PLCE1: variants seen among roughly 807,000 people sequenced by gnomAD.
PLCE1 encodes the protein 1-phosphatidylinositol 4,5-bisphosphate phosphodiesterase epsilon-1.
Under a neutral mutation model 242.8 loss-of-function variants are expected in PLCE1, and 119 were observed. The ratio of observed to expected loss-of-function variants is 0.49; its 90% confidence interval spans 0.42 to 0.57. PLCE1 has a LOEUF of 0.57. PLCE1 is among the 20% of genes least tolerant of loss of function. PLCE1 has a pLI of 0.00. For synonymous variants in PLCE1, 945 were observed against 1,017.4 expected (o/e 0.93, Z 1.35); for missense variants, 2,441 against 2,788.8 (o/e 0.88, Z 2.81).
At chr10:94,097,742 A>C (rs1196213219) in intron 2 of PLCE1, among the ~76,000 whole-genome samples, 1 of 152,232 alleles carries the variant, frequency 6.6e-6, no homozygotes, top group Non-Finnish European at 1.5e-5. Context: ...CAGAAAGGAA[A>C]AATGTCAAAA....
At chr10:94,088,403 G>T (rs2044926766) in intron 2 of PLCE1, among the ~76,000 whole-genome samples, 1 of 152,164 alleles carries the variant, frequency 6.6e-6, no homozygotes, top group Non-Finnish European at 1.5e-5. Flanking sequence ...TTCCAAGCAG[G>T]TGCTGTTGAC....
chr10:94,106,768 C>T (rs886862155), intron 2 of PLCE1, among the ~76,000 whole-genome samples: 1 of 152,010 alleles, frequency 6.6e-6, no homozygotes, highest in Non-Finnish European at 1.5e-5. Context: ...CGTTCCAGTC[C>T]TCTCCTCTCT....
intron 19 of PLCE1, among the ~76,000 whole-genome samples, chr10:94,277,960 A>AT (rs1414236473): frequency 3.3e-5 from 5 of 151,992 alleles, no homozygotes; most frequent in Non-Finnish European, 2.9e-5. Context: ...GGTTCCTGTA[A>AT]TTGTCAGTTT....
intron 2 of PLCE1, among the ~76,000 whole-genome samples, chr10:94,110,431 A>G (rs541193643): frequency 1.4e-4 from 21 of 152,292 alleles, no homozygotes; most frequent in African/African-American, 5.1e-4. Flanking sequence ...ATGCACAAAT[A>G]TGTGTATCAC....
At chr10:94,148,290 CTGG>C (rs570756058) in intron 3 of PLCE1, among the ~76,000 whole-genome samples, 487 of 152,160 alleles carry the variant, frequency 3.2e-3, no homozygotes, top group Non-Finnish European at 5.0e-3. Context: ...AGGATGGGGG[CTGG>C]AGGGTTCATG....
intron 4 of PLCE1, among the ~76,000 whole-genome samples, chr10:94,177,309 C>T (rs556692897): frequency 4.4e-4 from 67 of 152,270 alleles, no homozygotes; most frequent in Middle Eastern, 3.4e-3. Flanking sequence ...AGCAGTGTTT[C>T]CTCCCCATTC....
intron 2 of PLCE1, among the ~76,000 whole-genome samples, chr10:94,121,598 T>C (rs1205412429): frequency 3.9e-5 from 6 of 152,180 alleles, no homozygotes; most frequent in Admixed American, 3.9e-4. Context: ...TTTGAATGCT[T>C]ATTTATAACA....
chr10:94,014,476 A>T (rs1017130910), intron 1 of PLCE1, among the ~76,000 whole-genome samples: 3 of 151,588 alleles, frequency 2.0e-5, no homozygotes, highest in Admixed American at 6.6e-5. Context: ...GTGGTGGTGC[A>T]TGTCTGTAGT....
intron 4 of PLCE1, among the ~76,000 whole-genome samples, chr10:94,197,385 T>A (rs565110141): frequency 6.6e-6 from 1 of 152,332 alleles, no homozygotes; most frequent in African/African-American, 2.4e-5. Flanking sequence ...ACTCAATGTT[T>A]AGCATTTTGA....
At position 94,306,379 on chromosome 10, in the gene PLCE1, C is replaced by T; in HGVS notation, c.5623-48C>T. On this transcript the variant is annotated intron_variant, in intron 25 of 32. Coordinates refer to ENST00000371380, the MANE Select transcript of PLCE1 (RefSeq NM_016341.4). The surrounding 1 kb of genome is among the most constrained non-coding windows in gnomAD (Gnocchi z 5.7). ...GCAGTGAGGTGCAGAGGTTGTCTTT[C>T]TTTTTTATCCTCGGTGACTTTGATC... is the stretch of plus-strand genomic sequence containing the variant. 1 of 1,613,960 alleles carries T rather than the reference C, an allele frequency of 6.2e-7. No homozygotes were observed. Among genetic ancestry groups the T allele is most frequent in the Non-Finnish European group, 8.5e-7 (1 of 1,179,930 alleles).
intron 3 of PLCE1, among the ~76,000 whole-genome samples, chr10:94,147,442 A>AAG (rs1015779894): frequency 3.4e-5 from 5 of 146,458 alleles, no homozygotes; most frequent in Non-Finnish European, 7.5e-5. Flanking sequence ...AAGAGAGAGA[A>AAG]AGAGAGAGAG....
intron 3 of PLCE1, among the ~76,000 whole-genome samples, chr10:94,162,403 G>A (rs2047647279): frequency 6.6e-6 from 1 of 152,188 alleles, no homozygotes; most frequent in Non-Finnish European, 1.5e-5. Context: ...ATGTGTGGAG[G>A]AATTTATCCA....
At chr10:94,136,203 T>G (rs1019650676) in intron 3 of PLCE1, among the ~76,000 whole-genome samples, 3 of 152,108 alleles carry the variant, frequency 2.0e-5, no homozygotes, top group Admixed American at 6.6e-5. Flanking sequence ...ATAGAGACCT[T>G]AAGTAGAAAG....
intron 2 of PLCE1, among the ~76,000 whole-genome samples, chr10:94,074,307 C>T (rs2044443253): frequency 6.6e-6 from 1 of 151,162 alleles, no homozygotes; most frequent in East Asian, 2.0e-4. Context: ...ATACTCCCAA[C>T]ATCAGCCTCC....
intron 4 of PLCE1, among the ~76,000 whole-genome samples, chr10:94,174,245 A>AT (rs1007315683): frequency 3.3e-5 from 5 of 152,188 alleles, no homozygotes; most frequent in Non-Finnish European, 7.4e-5. Context: ...TAAAATAAAT[A>AT]TTTTTTAATC....
At chr10:94,116,744 G>C (rs966114813) in intron 2 of PLCE1, among the ~76,000 whole-genome samples, 1 of 152,032 alleles carries the variant, frequency 6.6e-6, no homozygotes, top group African/African-American at 2.4e-5. Flanking sequence ...ACATAAAAAA[G>C]CTGATGATGA....
At chr10:94,020,246 G>C (rs1462480786) in intron 1 of PLCE1, among the ~76,000 whole-genome samples, 1 of 152,050 alleles carries the variant, frequency 6.6e-6, no homozygotes. Context: ...TTTCCCTTAT[G>C]ACTAATGATG....
At chr10:94,263,570 TAATCCC>T (rs1162017938) in intron 14 of PLCE1, among the ~76,000 whole-genome samples, 13 of 149,958 alleles carry the variant, frequency 8.7e-5, no homozygotes, top group Non-Finnish European at 1.5e-4. Flanking sequence ...TCCACGCTTA[TAATCCC>T]AGCTACCTGG....
In PLCE1 at chr10:93,994,100, G is replaced by C. The variant is rs1024039602; in HGVS notation, c.-523G>C. 3.3e-5 allele frequency among the ~76,000 whole-genome samples: 5 copies of C among 151,216 alleles called. No homozygotes were observed. The highest frequency in any genetic ancestry group is 5.9e-5 in the Non-Finnish European group (4 of 67,902). On this transcript the variant is annotated 5_prime_UTR_variant, in exon 1 of 33. Transcript: ENST00000371380. The stretch of plus-strand genomic sequence containing the variant: ...CTCTGCCTCCCGGGCTCTGCCTCTC[G>C]GGCACTTGCCTGGCTCCTGCGCGTT...
Sources: gnomAD v4.1 joint callset for allele counts (sites outside exome capture counted in the v4.1 genomes callset) on GRCh38, gnomAD v4.1.1 for gene constraint, Gnocchi (gnomAD v3.1) non-coding constraint, MANE v1.5 for transcripts, NCBI Gene and HGNC (gene_info 2026-07-23, HGNC 2026-07-21) for gene names.